The following NRG3 variants were observed in gnomAD, a reference collection of about 807,000 sequenced individuals.
The protein encoded by NRG3 is neuregulin 3.
A neutral mutation model predicts 66.9 loss-of-function variants in NRG3; 31 were observed. The ratio of observed to expected loss-of-function variants is 0.46; its 90% CI spans 0.35 to 0.63. The LOEUF is 0.63. Ranked by LOEUF, NRG3 falls within the 20% of genes least tolerant of loss-of-function variation. The pLI, the probability that NRG3 is intolerant of heterozygous loss-of-function variation, is 0.00. For synonymous variants in NRG3, 393 were observed against 359.4 expected (o/e 1.09, Z -1.06); for missense variants, 910 against 878.9 (o/e 1.04, Z -0.45).
chr10:82,495,699 T>A (rs550603306), intron 2 of NRG3, among the ~76,000 whole-genome samples: 1 of 152,156 alleles, frequency 6.6e-6, no homozygotes, highest in African/African-American at 2.4e-5. Flanking sequence ...GCAGAAGCCC[T>A]AAGAAAGTGG....
chr10:82,045,835 C>T (rs1157265126), intron 1 of NRG3, among the ~76,000 whole-genome samples: 1 of 111,578 alleles, frequency 9.0e-6, no homozygotes, highest in African/African-American at 3.4e-5. Context: ...ATCCTTTCCC[C>T]ATTTCTTGTT....
chr10:82,416,441 G>A (rs748223772), intron 2 of NRG3, among the ~76,000 whole-genome samples: 1 of 152,300 alleles, frequency 6.6e-6, no homozygotes, highest in South Asian at 2.1e-4. Flanking sequence ...TGGAAGACAT[G>A]TAAGTTCATG....
At chr10:82,036,133 C>G (rs2132945853) in intron 1 of NRG3, among the ~76,000 whole-genome samples, 2 of 152,142 alleles carry the variant, frequency 1.3e-5, no homozygotes, top group Middle Eastern at 6.8e-3. Flanking sequence ...TTGAAGAGAT[C>G]TGGGCCCACT....
At chr10:81,984,924 G>A (rs1203735061) in intron 1 of NRG3, among the ~76,000 whole-genome samples, 2 of 152,110 alleles carry the variant, frequency 1.3e-5, no homozygotes, top group East Asian at 3.9e-4. Context: ...ATACAAAACG[G>A]TGTTTTCAAA....
intron 1 of NRG3, among the ~76,000 whole-genome samples, chr10:82,206,962 G>A (rs1041152308): frequency 6.6e-6 from 1 of 152,176 alleles, no homozygotes; most frequent in Non-Finnish European, 1.5e-5. Context: ...AAGCAGCTCA[G>A]GCCCTTGTCT....
intron 3 of NRG3, among the ~76,000 whole-genome samples, chr10:82,807,943 T>C (rs1591586457): frequency 6.6e-6 from 1 of 152,310 alleles, no homozygotes; most frequent in East Asian, 1.9e-4. Flanking sequence ...TTTCTTTCTT[T>C]ACCTAAATAG....
chr10:82,353,075 A>C lies in NRG3; in HGVS notation c.824-5664A>C, dbSNP rs1162632802. Among the ~76,000 whole-genome samples, 3 of 152,324 alleles carry C rather than the reference A, an allele frequency of 2.0e-5. No homozygotes were observed. The East Asian group carries it at 5.8e-4, about 29-fold the overall frequency. ...ATTTGGTGATTGCGCATGCAGGATC[A>C]AGAGAATGGCTACTAGGTTTCTGGC... On this transcript the variant is annotated intron_variant, in intron 1 of 8. Coordinates refer to ENST00000372141, the MANE Select transcript of NRG3 (RefSeq NM_001010848.4).
intron 2 of NRG3, among the ~76,000 whole-genome samples, chr10:82,660,060 G>T (rs1419435681): frequency 1.3e-5 from 2 of 151,574 alleles, no homozygotes; most frequent in Non-Finnish European, 2.9e-5. Flanking sequence ...TCTGGGCATG[G>T]TGGTGGTTGC....
intron 1 of NRG3, among the ~76,000 whole-genome samples, chr10:82,095,860 T>A (rs2066306436): frequency 6.6e-6 from 1 of 152,244 alleles, no homozygotes; most frequent in African/African-American, 2.4e-5. Flanking sequence ...CAGCCATGAA[T>A]GAATTGACAG....
chr10:82,979,515 A>G (rs973998269), intron 8 of NRG3, among the ~76,000 whole-genome samples: 1 of 152,322 alleles, frequency 6.6e-6, no homozygotes. Flanking sequence ...ACGCTAAACA[A>G]TAACTCATGG....
intron 1 of NRG3, among the ~76,000 whole-genome samples, chr10:82,080,199 C>T (rs2065310543): frequency 6.6e-6 from 1 of 152,058 alleles, no homozygotes; most frequent in Non-Finnish European, 1.5e-5. Context: ...CTTCATGACA[C>T]CTCCTTATAC....
chr10:82,119,793 G>A (rs2067969476), intron 1 of NRG3, among the ~76,000 whole-genome samples: 1 of 152,054 alleles, frequency 6.6e-6, no homozygotes, highest in African/African-American at 2.4e-5. Context: ...GAGAAAGAGT[G>A]AAAATAAAGT....
At chr10:82,525,031 C>T (rs11194881) in intron 2 of NRG3, among the ~76,000 whole-genome samples, 8,922 of 151,902 alleles carry the variant, frequency 0.059, 582 homozygotes, top group East Asian at 0.16. Context: ...GATCCCCAAC[C>T]TATTCTTATC....
intron 5 of NRG3, among the ~76,000 whole-genome samples, chr10:82,953,063 G>A (rs746304993): frequency 6.6e-6 from 1 of 151,752 alleles, no homozygotes; most frequent in Non-Finnish European, 1.5e-5. Context: ...GATTTCCTTA[G>A]TATTTTACCT....
intron 2 of NRG3, among the ~76,000 whole-genome samples, chr10:82,523,741 A>G (rs1846426836): frequency 6.6e-6 from 1 of 152,150 alleles, no homozygotes; most frequent in Admixed American, 6.5e-5. Flanking sequence ...CTCACCTTAC[A>G]TAACTCAAAA....
intron 4 of NRG3, among the ~76,000 whole-genome samples, chr10:82,915,079 A>G (rs1845702737): frequency 1.3e-5 from 2 of 152,206 alleles, no homozygotes; most frequent in South Asian, 4.1e-4. Flanking sequence ...GGTCCTGCAG[A>G]AGTTTTTATA....
chr10:82,819,768 C>T (rs2061865750), intron 3 of NRG3, among the ~76,000 whole-genome samples: 1 of 152,086 alleles, frequency 6.6e-6, no homozygotes, highest in Non-Finnish European at 1.5e-5. Context: ...TTATGTAAGA[C>T]CTTATTGTGG....
chr10:82,595,461 A>G (rs1336875395), intron 2 of NRG3, among the ~76,000 whole-genome samples: 1 of 152,220 alleles, frequency 6.6e-6, no homozygotes, highest in Non-Finnish European at 1.5e-5. Context: ...TTACCACCTT[A>G]TAAAACAGAG....
intron 1 of NRG3, among the ~76,000 whole-genome samples, chr10:82,226,182 A>C (rs538640208): frequency 1.3e-5 from 2 of 152,264 alleles, no homozygotes; most frequent in South Asian, 4.1e-4. Context: ...AGGAGAAGCA[A>C]TTACTCCTGG....
Sources: allele counts gnomAD v4.1 joint callset (sites outside exome capture counted in the v4.1 genomes callset), GRCh38; gene constraint gnomAD v4.1.1; transcripts MANE v1.5; gene names NCBI Gene and HGNC (gene_info 2026-07-23, HGNC 2026-07-21).